Variants in CCDC3 observed in about 807,000 individuals in gnomAD.
The protein encoded by CCDC3 is coiled-coil domain containing 3.
Under a neutral mutation model 21.4 loss-of-function variants are expected in CCDC3, and 24 were observed. The ratio of observed to expected loss-of-function variants is 1.12; its 90% CI spans 0.81 to 1.58. The LOEUF is 1.58. Among genes scored for constraint, CCDC3 ranks in the 40% most tolerant of loss-of-function variants. CCDC3 has a pLI of 0.00. For missense variants in CCDC3, 425 were observed against 360.9 expected, an observed-to-expected ratio of 1.18 and a Z score of -1.44; for synonymous variants, 186 against 166.0, an observed-to-expected ratio of 1.12 and a Z score of -0.93.
At position 12,940,024 on chromosome 10, in the gene CCDC3, C is replaced by T. The variant is rs184877358; in HGVS notation, c.550-41345G>A. On this transcript the variant is annotated intron_variant, in intron 2 of 2. Coordinates refer to ENST00000378825, the MANE Select transcript of CCDC3 (RefSeq NM_031455.4). ...TAAATGCCCATTCTAGGGCCTTAACCCATTCTAATTCCACTTCTGTGTTAA... is the reference window on the plus strand; with the variant it reads ...TAAATGCCCATTCTAGGGCCTTAACTCATTCTAATTCCACTTCTGTGTTAA... 2.1e-3 allele frequency among the ~76,000 whole-genome samples: 323 copies of T among 152,196 alleles called. 2 individuals are homozygous for T. The highest frequency in any genetic ancestry group is 7.5e-3 in the African/African-American group (310 of 41,536).
intron 3 of CCDC3, among the ~76,000 whole-genome samples, chr10:13,083,964 T>C (rs1564343403): frequency 6.6e-6 from 1 of 152,260 alleles, no homozygotes; most frequent in Non-Finnish European, 1.5e-5. Context: ...GATTTTTTTT[T>C]CCTTATGGTA....
At chr10:12,900,395 C>G (rs539017219) in intron 2 of CCDC3, among the ~76,000 whole-genome samples, 1 of 151,630 alleles carries the variant, frequency 6.6e-6, no homozygotes, top group Non-Finnish European at 1.5e-5. Flanking sequence ...ATCATTGAGC[C>G]GGGCTGGGTG....
intron 2 of CCDC3, among the ~76,000 whole-genome samples, chr10:12,943,367 G>A (rs1194759777): frequency 6.6e-6 from 1 of 152,200 alleles, no homozygotes; most frequent in Non-Finnish European, 1.5e-5. Flanking sequence ...TGGTGATGAG[G>A]TAGCTAAAAA....
chr10:12,909,465 C>A (rs1053413019), intron 2 of CCDC3, among the ~76,000 whole-genome samples: 7 of 152,188 alleles, frequency 4.6e-5, no homozygotes, highest in Non-Finnish European at 1.0e-4. Context: ...GTGGGTGTGC[C>A]AACCCGGGCT....
chr10:13,003,196 G>A (rs1835879980), upstream of CCDC3, among the ~76,000 whole-genome samples: 1 of 152,184 alleles, frequency 6.6e-6, no homozygotes, highest in South Asian at 2.1e-4. Context: ...AGCACACACT[G>A]CCAAGTTATA....
Position 13,078,490 on chromosome 10 carries a change from C to T in CCDC3, c.-502-4390G>A, listed in dbSNP as rs76921420. 5.8e-3 allele frequency among the ~76,000 whole-genome samples: 889 copies of T among 152,292 alleles called. 38 individuals carry two copies. In the South Asian group the frequency reaches 0.094, roughly 16 times the overall value. On this transcript the variant is annotated intron_variant, in intron 3 of 6. Coordinates refer to the CCDC3 transcript ENST00000378839. Reference sequence around the variant, plus strand: ...ATCTAGAACTAGAAATACCATTTAACCAAGCAATCCCATTACTGGGTACAT... The same window carrying T: ...ATCTAGAACTAGAAATACCATTTAATCAAGCAATCCCATTACTGGGTACAT...
At chr10:12,984,201 A>C (rs1231859818) in intron 2 of CCDC3, among the ~76,000 whole-genome samples, 1 of 152,202 alleles carries the variant, frequency 6.6e-6, no homozygotes, top group Non-Finnish European at 1.5e-5. Context: ...AACTATTACA[A>C]CTCAACAATA....
At chr10:13,007,162 A>G (rs935511858) in intron 5 of CCDC3, among the ~76,000 whole-genome samples, 1 of 152,146 alleles carries the variant, frequency 6.6e-6, no homozygotes, top group Non-Finnish European at 1.5e-5. Flanking sequence ...CTTCATTAAT[A>G]TATTTCTCAT....
chr10:13,019,167 G>A (rs1382731542), intron 5 of CCDC3, among the ~76,000 whole-genome samples: 1 of 152,162 alleles, frequency 6.6e-6, no homozygotes, highest in African/African-American at 2.4e-5. Flanking sequence ...CCGGGAGGCA[G>A]AGCTTACAGT....
At chr10:12,951,115 G>A (rs1418213154) in intron 2 of CCDC3, among the ~76,000 whole-genome samples, 1 of 152,210 alleles carries the variant, frequency 6.6e-6, no homozygotes, top group Non-Finnish European at 1.5e-5. Context: ...CAAGCACAGT[G>A]GCTCATGCCT....
At chr10:13,091,173 C>A (rs1302401213) in intron 3 of CCDC3, among the ~76,000 whole-genome samples, 4 of 152,198 alleles carry the variant, frequency 2.6e-5, no homozygotes, top group Admixed American at 2.0e-4. Flanking sequence ...GGTGGGCCTG[C>A]CTCTCCCAGT....
At chr10:12,979,507 G>T (rs998571034) in intron 2 of CCDC3, among the ~76,000 whole-genome samples, 14 of 151,844 alleles carry the variant, frequency 9.2e-5, no homozygotes, top group African/African-American at 2.9e-4. Flanking sequence ...CCTCCAAAGT[G>T]TCTGGGACCA....
intron 5 of CCDC3, among the ~76,000 whole-genome samples, chr10:13,012,189 T>C (rs530440439): frequency 1.7e-4 from 26 of 151,950 alleles, no homozygotes; most frequent in Admixed American, 8.5e-4. Flanking sequence ...AAAGCAAAAA[T>C]TGACAAATGA....
chr10:13,072,278 TGAGG>T (rs1254361193), intron 4 of CCDC3, among the ~76,000 whole-genome samples: 2 of 152,198 alleles, frequency 1.3e-5, no homozygotes, highest in Non-Finnish European at 2.9e-5. Flanking sequence ...GATAAGCCTC[TGAGG>T]GAGATCTGAC....
At chr10:12,917,180 C>CTTTTTTT (rs56054100) in intron 2 of CCDC3, among the ~76,000 whole-genome samples, 17 of 58,214 alleles carry the variant, frequency 2.9e-4, no homozygotes, top group African/African-American at 7.4e-4. Context: ...ATTTCTTCTT[C>CTTTTTTT]TTTTTTTTTT....
rs1479284939 is a variant in CCDC3, at chr10:13,065,545, C to T, written c.-270+8323G>A. 3.3e-5 allele frequency among the ~76,000 whole-genome samples: 5 copies of T among 152,266 alleles called. No individual in the cohort carries two copies. The East Asian group carries it at 9.6e-4, about 29-fold the overall frequency. On this transcript the variant is annotated intron_variant, in intron 4 of 6. Coordinates refer to the CCDC3 transcript ENST00000378839. Reference sequence around the variant, plus strand: ...TTGGCCACTCTATCTTTAGTATAGGCTTATGGATATTAAGAACGTTCTTGC... The same window carrying T: ...TTGGCCACTCTATCTTTAGTATAGGTTTATGGATATTAAGAACGTTCTTGC...
At chr10:12,942,631 C>T (rs544456347) in intron 2 of CCDC3, among the ~76,000 whole-genome samples, 5 of 152,280 alleles carry the variant, frequency 3.3e-5, no homozygotes, top group Non-Finnish European at 5.9e-5. Flanking sequence ...AGGTAGAGAC[C>T]CCATCTGCAT....
chr10:13,033,970 G>A (rs1836340996), intron 5 of CCDC3, among the ~76,000 whole-genome samples: 1 of 152,138 alleles, frequency 6.6e-6, no homozygotes, highest in African/African-American at 2.4e-5. Context: ...AATACCATAT[G>A]ACCCAGCAAT....
intron 5 of CCDC3, among the ~76,000 whole-genome samples, chr10:13,019,772 G>C (rs1258341723): frequency 6.6e-6 from 1 of 152,024 alleles, no homozygotes; most frequent in Non-Finnish European, 1.5e-5. Context: ...AGGCTGGGTG[G>C]ATCACCTGAG....
Sources: allele counts gnomAD v4.1 joint callset (sites outside exome capture counted in the v4.1 genomes callset), GRCh38; gene constraint gnomAD v4.1.1; transcripts MANE v1.5; gene names NCBI Gene and HGNC (gene_info 2026-07-23, HGNC 2026-07-21).